RNLS: variants seen among roughly 807,000 people sequenced by gnomAD.
The protein encoded by RNLS is renalase.
A neutral mutation model predicts 39.8 loss-of-function variants in RNLS; 39 were observed. The ratio of observed to expected loss-of-function variants is 0.98; its 90% CI spans 0.76 to 1.28. RNLS has a LOEUF of 1.28. RNLS is among the 50% of genes most tolerant of loss of function. The probability of loss-of-function intolerance (pLI) is 0.00; values close to 1 mark genes in which losing one functional copy is unlikely to be tolerated. For missense variants in RNLS, 410 were observed against 413.3 expected, an observed-to-expected ratio of 0.99 and a Z score of 0.07; for synonymous variants, 147 against 150.7, an observed-to-expected ratio of 0.98 and a Z score of 0.18.
At chr10:88,466,770 T>C (rs1240240034) in intron 4 of RNLS, among the ~76,000 whole-genome samples, 1 of 152,142 alleles carries the variant, frequency 6.6e-6, no homozygotes, top group East Asian at 1.9e-4. Flanking sequence ...TTTAAAAATA[T>C]ATGAACAAAC....
chr10:88,311,155 C>A (rs1480985488), intron 6 of RNLS, among the ~76,000 whole-genome samples: 2 of 152,046 alleles, frequency 1.3e-5, no homozygotes, highest in Admixed American at 1.3e-4. Flanking sequence ...TAGAGCTAAA[C>A]CTGAATGCAA....
intron 4 of RNLS, among the ~76,000 whole-genome samples, chr10:88,421,721 T>C (rs1452363608): frequency 6.6e-6 from 1 of 152,196 alleles, no homozygotes; most frequent in East Asian, 1.9e-4. Context: ...CAGAAGGAAA[T>C]ACCAATTTTA....
the RNLS span, among the ~76,000 whole-genome samples, chr10:88,182,051 G>A: frequency 3.9e-5 from 6 of 152,144 alleles, no homozygotes; most frequent in African/African-American, 1.4e-4. Context: ...AGGGAAGGGT[G>A]TGGGGTAGGT....
chr10:88,474,205 GA>G (rs1374297216), intron 4 of RNLS, among the ~76,000 whole-genome samples: 1 of 150,148 alleles, frequency 6.7e-6, no homozygotes, highest in Non-Finnish European at 1.5e-5. Flanking sequence ...GAATTGAGCA[GA>G]AAAAAAAACA....
intron 4 of RNLS, among the ~76,000 whole-genome samples, chr10:88,491,115 G>A (rs1844854524): frequency 6.6e-6 from 1 of 152,032 alleles, no homozygotes; most frequent in African/African-American, 2.4e-5. Context: ...TTTTTTGAGG[G>A]AACTGAGGCA....
intron 4 of RNLS, among the ~76,000 whole-genome samples, 192 bp from the exon 5 acceptor site, chr10:88,362,917 AATTGTTTTT>A (rs1849753147): frequency 6.6e-6 from 1 of 152,142 alleles, no homozygotes; most frequent in Admixed American, 6.5e-5. Flanking sequence ...AACTTTGGCA[AATTGTTTTT>A]ATCAAGCTGA....
downstream of RNLS, among the ~76,000 whole-genome samples, chr10:88,282,887 G>A (rs1271560080): frequency 1.3e-5 from 2 of 152,134 alleles, no homozygotes; most frequent in Non-Finnish European, 1.5e-5. Flanking sequence ...ATATTTATCA[G>A]CTAACAAGTA....
downstream of RNLS, among the ~76,000 whole-genome samples, chr10:88,270,524 T>C (rs1285305226): frequency 6.6e-6 from 1 of 152,202 alleles, no homozygotes; most frequent in Non-Finnish European, 1.5e-5. Flanking sequence ...ATGACACTGA[T>C]TTGAGAAAGA....
At chr10:88,409,066 T>C (rs775332307) in intron 4 of RNLS, among the ~76,000 whole-genome samples, 93 of 152,222 alleles carry the variant, frequency 6.1e-4, no homozygotes, top group Non-Finnish European at 1.2e-3. Context: ...TTATTTACTG[T>C]TTAAAATTTT....
intron 5 of RNLS, among the ~76,000 whole-genome samples, chr10:88,355,914 G>T (rs1316730437): frequency 6.6e-6 from 1 of 152,178 alleles, no homozygotes; most frequent in Non-Finnish European, 1.5e-5. Context: ...AGCAATGGTG[G>T]GCACCCCTCC....
chr10:88,355,616 GC>G (rs1420904212), intron 5 of RNLS, among the ~76,000 whole-genome samples: 1 of 152,150 alleles, frequency 6.6e-6, no homozygotes, highest in Non-Finnish European at 1.5e-5. Context: ...GTGTCAGTCT[GC>G]CCCTACTGAG....
intron 4 of RNLS, among the ~76,000 whole-genome samples, chr10:88,424,914 T>C (rs1456470326): frequency 6.6e-6 from 1 of 152,132 alleles, no homozygotes; most frequent in Non-Finnish European, 1.5e-5. Context: ...TTTTTCTTCA[T>C]CTACATTTTT....
chr10:88,548,350 A>AATAGAATC (rs1489496715), intron 4 of RNLS, among the ~76,000 whole-genome samples: 2 of 148,802 alleles, frequency 1.3e-5, no homozygotes, highest in Non-Finnish European at 3.0e-5. Flanking sequence ...ACTGTCAAAT[A>AATAGAATC]ATAGAATCAT....
chr10:88,353,954 C>T (rs935469914), intron 5 of RNLS, among the ~76,000 whole-genome samples: 4 of 152,164 alleles, frequency 2.6e-5, no homozygotes, highest in Non-Finnish European at 5.9e-5. Flanking sequence ...GATCCCTTTA[C>T]CATTATGTAA....
At chr10:88,496,430 G>A (rs1378560390) in intron 4 of RNLS, among the ~76,000 whole-genome samples, 3 of 152,150 alleles carry the variant, frequency 2.0e-5, no homozygotes, top group Non-Finnish European at 4.4e-5. Flanking sequence ...GTGGCCTGAC[G>A]CTTTACTTCT....
rs191482069 is a variant in RNLS, at chr10:88,361,869, T to C, written c.700+683A>G. ...AAAAAGCAGCATTCTCAGGGATCACTGCAGTCCTACAAATGAGAATACACT... is the reference window on the plus strand; with the variant it reads ...AAAAAGCAGCATTCTCAGGGATCACCGCAGTCCTACAAATGAGAATACACT... On this transcript the variant is annotated intron_variant, in intron 5 of 6. Coordinates refer to ENST00000331772, the MANE Select transcript of RNLS (RefSeq NM_001031709.3). 2.7e-4 allele frequency among the ~76,000 whole-genome samples: 41 copies of C among 152,350 alleles called. No individual in the cohort carries two copies. In the East Asian group the frequency reaches 7.3e-3, roughly 27 times the overall value.
chr10:88,300,715 G>A (rs1233383984), intron 6 of RNLS, among the ~76,000 whole-genome samples: 8 of 152,214 alleles, frequency 5.3e-5, no homozygotes, highest in African/African-American at 1.9e-4. Flanking sequence ...CTGTCTTTGA[G>A]TCTTTAGAAC....
At chr10:88,492,421 CT>C (rs35806120) in intron 4 of RNLS, among the ~76,000 whole-genome samples, 42,153 of 131,560 alleles carry the variant, frequency 0.32, 6,859 homozygotes, top group African/African-American at 0.53. Flanking sequence ...TTTTCTTTTT[CT>C]TTTTTTTTTT....
chr10:88,509,815 A>G (rs1846004879), intron 4 of RNLS, among the ~76,000 whole-genome samples: 1 of 152,142 alleles, frequency 6.6e-6, no homozygotes, highest in Non-Finnish European at 1.5e-5. Context: ...TGATTATTAA[A>G]TACCAAAATA....
Sources: gnomAD v4.1 joint callset for allele counts (sites outside exome capture counted in the v4.1 genomes callset) on GRCh38, gnomAD v4.1.1 for gene constraint, MANE v1.5 for transcripts, NCBI Gene and HGNC (gene_info 2026-07-23, HGNC 2026-07-21) for gene names.